Variants in GPC2 observed in about 807,000 individuals in gnomAD.
GPC2 encodes glypican 2.
GPC2 carries 42 observed loss-of-function variants against 57.3 expected under a neutral mutation model. That is an observed-to-expected ratio of 0.73 (90% confidence interval 0.57 to 0.95). The LOEUF is 0.95. GPC2 is among the 40% of genes least tolerant of loss of function. The pLI, the probability that GPC2 is intolerant of heterozygous loss-of-function variation, is 0.00. For synonymous variants in GPC2, 364 were observed against 343.4 expected, an observed-to-expected ratio of 1.06 and a Z score of -0.66; for missense variants, 745 against 793.6, an observed-to-expected ratio of 0.94 and a Z score of 0.74.
Position 100,170,102 on chromosome 7 carries a change from G to T in GPC2, c.*128C>A. 4.1e-6 allele frequency: 4 copies of T among 968,412 alleles called. No individual in the cohort carries two copies. The highest frequency in any genetic ancestry group is 2.4e-5 in the South Asian group (1 of 41,304). 60.0% of individuals were successfully genotyped at this position (968,412 alleles called of 1,614,324 possible). ...AAAATCTCCTGGATTTGGGGCCCCA[G>T]CCATTCACCTGCAAAGTCCCTTCTC... On this transcript the variant is annotated 3_prime_UTR_variant, in exon 10 of 10. Coordinates refer to ENST00000292377, the MANE Select transcript of GPC2 (RefSeq NM_152742.3).
chr7:100,172,687 A>G lies in GPC2; in HGVS notation c.893-470T>C, dbSNP rs530372606. Reference sequence around the variant, plus strand: ...TATATATATATGTGTGTGTGTGTGTATATATATATACGTGTATATATATGT... The same window carrying G: ...TATATATATATGTGTGTGTGTGTGTGTATATATATACGTGTATATATATGT... On this transcript the variant is annotated intron_variant, in intron 5 of 9. Transcript: ENST00000292377. Among the ~76,000 whole-genome samples, 105 of 146,398 alleles carry G rather than the reference A, an allele frequency of 7.2e-4. 1 individual carries two copies. Among genetic ancestry groups the G allele is most frequent in the South Asian group, 6.6e-3 (31 of 4,664 alleles).
chr7:100,171,223 G>C lies in GPC2; in HGVS notation c.1486+38C>G. The stretch of plus-strand genomic sequence containing the variant: ...AGGAGAGGGGAGAGGCTTCAGGGCA[G>C]TGGGCGGGGCTCAGGCTCAGGGATG... On this transcript the variant is annotated intron_variant, in intron 9 of 9. Coordinates refer to ENST00000292377, the MANE Select transcript of GPC2 (RefSeq NM_152742.3). This position sits in a 1 kb window ranked among gnomAD's most constrained non-coding sequence, Gnocchi z 4.8. 1 of 1,495,286 alleles carries C rather than the reference G, an allele frequency of 6.7e-7. No homozygotes were observed. Among genetic ancestry groups the C allele is most frequent in the Non-Finnish European group, 8.9e-7 (1 of 1,120,308 alleles). The allele number at this position is 1,495,286 out of a possible 1,614,324, so 92.6% of individuals were successfully genotyped here. A position where few individuals can be genotyped will look rare whatever the true frequency, so the allele number is the denominator to read the frequency against.
chr7:100,170,162 G>A lies in GPC2; in HGVS notation c.*68C>T, dbSNP rs1799151746. The A allele has an allele frequency of 2.1e-6, 3 of 1,458,398 alleles. No homozygotes were observed. The highest frequency in any genetic ancestry group is 2.8e-6 in the Non-Finnish European group (3 of 1,088,876). The allele number at this position is 1,458,398 out of a possible 1,614,324, so 90.3% of individuals were successfully genotyped here. A position where few individuals can be genotyped will look rare whatever the true frequency, so the allele number is the denominator to read the frequency against. ...TGCAGCCCCCTTCGACTCCTCCCCA[G>A]GCCCAGCTGAGGGGGGAGGAGGGGA... On this transcript the variant is annotated 3_prime_UTR_variant, in exon 10 of 10. Transcript: ENST00000292377.
At chr7:100,176,420 C>A in intron 1 of GPC2, 55 bp from the exon 2 acceptor site, 1 of 1,524,370 alleles carries the variant, frequency 6.6e-7, no homozygotes, top group Non-Finnish European at 9.0e-7. Flanking sequence ...AAATCCCTTC[C>A]ATTTCCCGCC....
At position 100,171,472 on chromosome 7, in the gene GPC2, C is replaced by CAA. The variant is rs1799175535; in HGVS notation, c.1311-37_1311-36insTT. On this transcript the variant is annotated intron_variant, in intron 8 of 9. Coordinates refer to ENST00000292377, the MANE Select transcript of GPC2 (RefSeq NM_152742.3). This position sits in a 1 kb window ranked among gnomAD's most constrained non-coding sequence, Gnocchi z 4.8. Reference sequence around the variant, plus strand: ...AGCAGCCCCGAAGCGCCAGCTAGCGCGCGCGGCCCCGCCCCTCCCGGCCGC... The same window carrying CAA: ...AGCAGCCCCGAAGCGCCAGCTAGCGCAAGCGCGGCCCCGCCCCTCCCGGCCGC... 7.4e-7 allele frequency: 1 copy of CAA among 1,352,278 alleles called. No homozygotes were observed. The highest frequency in any genetic ancestry group is 9.5e-7 in the Non-Finnish European group (1 of 1,057,616). The allele number at this position is 1,352,278 out of a possible 1,614,324, so 83.8% of individuals were successfully genotyped here.
chr7:100,175,742 C>T lies in GPC2; in HGVS notation c.478G>A (p.Asp160Asn). Residue 160 changes from aspartate to asparagine, a missense_variant, in exon 3 of 10, where the codon GAT becomes AAT. By Grantham distance (23) the Asp-to-Asn change is conservative. Transcript: ENST00000292377. The part of the protein sequence containing the change: ...DFYGESGEGL[D>N]DTLADFWAQL... ...GCCCAGAAATCCGCCAGGGTGTCATCCAACCCCTCACCAGATTCCCCATAG... is the reference window on the plus strand; with the variant it reads ...GCCCAGAAATCCGCCAGGGTGTCATTCAACCCCTCACCAGATTCCCCATAG... 1 of 1,614,136 alleles carries T rather than the reference C, an allele frequency of 6.2e-7. No individual in the cohort carries two copies. The highest frequency in any genetic ancestry group is 8.5e-7 in the Non-Finnish European group (1 of 1,180,024).
intron 2 of GPC2, 140 bp from the exon 3 acceptor site, chr7:100,176,034 G>T: frequency 2.9e-6 from 2 of 689,142 alleles, no homozygotes; most frequent in Non-Finnish European, 2.2e-6. Context: ...CAGAGATGGG[G>T]CAGACAGGGA....
Position 100,174,013 on chromosome 7 carries a change from G to A in GPC2, c.730-16C>T. On this transcript the variant is annotated splice_polypyrimidine_tract_variant and intron_variant, in intron 4 of 9. Transcript: ENST00000292377. ...ACACCGGCACCTGGGGGCAGAGAGT[G>A]GGGCTGTGTCCTCCACAAACGCTGT... 6.5e-7 allele frequency: 1 copy of A among 1,544,342 alleles called. No individual in the cohort carries two copies. Among genetic ancestry groups the A allele is most frequent in the East Asian group, 2.4e-5 (1 of 41,380 alleles).
chr7:100,176,450 T>C, intron 1 of GPC2, 85 bp from the exon 2 acceptor site: 1 of 1,277,858 alleles, frequency 7.8e-7, no homozygotes, highest in Non-Finnish European at 1.1e-6. Flanking sequence ...GGACTATGCC[T>C]TCTCTTCTAC....
rs1263516125 is a variant in GPC2, at chr7:100,176,347, C to G, written c.185G>C (p.Cys62Ser). ...GGAACAGCAGGTGTACTCCTGGGGA[C>G]AGACCCGGAGGTGCTCACCTGGACA... Reference protein sequence around the residue: ...ALISGEHLRVCPQEYTCCSSE... With the variant: ...ALISGEHLRVSPQEYTCCSSE... Residue 62 changes from cysteine to serine, a missense_variant, in exon 2 of 10, where the codon TGT (cysteine) becomes TCT (serine). Coordinates refer to ENST00000292377, the MANE Select transcript of GPC2 (RefSeq NM_152742.3). 1 of 1,613,868 alleles carries G rather than the reference C, an allele frequency of 6.2e-7. No individual in the cohort carries two copies. Among genetic ancestry groups the G allele is most frequent in the Admixed American group, 1.7e-5 (1 of 59,990 alleles).
Position 100,171,816 on chromosome 7 carries a change from C to A in GPC2, c.1133G>T (p.Arg378Leu). Residue 378 changes from arginine to leucine, a missense_variant, in exon 7 of 10, where the codon CGG becomes CTG. This residue lies in a region of GPC2 where 607 missense variants were observed against 603.9 expected (regional missense o/e 1.01). Coordinates refer to ENST00000292377, the MANE Select transcript of GPC2 (RefSeq NM_152742.3). The surrounding 1 kb of genome is among the most constrained non-coding windows in gnomAD (Gnocchi z 4.8). ...GTTGGTGCCTGCGGCCGTCGTGGGC[C>A]GCTCCTCCTCGGTCACCATCGACCA... ...RLWSMVTEEE[R>L]PTTAAGTNLH... is the part of the protein sequence containing the mutation. The A allele has an allele frequency of 6.3e-7, 1 of 1,575,496 alleles. No homozygotes were observed. Among genetic ancestry groups the A allele is most frequent in the South Asian group, 1.1e-5 (1 of 88,034 alleles).
intron 5 of GPC2, chr7:100,173,621 T>TTTCC: frequency 2.5e-6 from 1 of 394,986 alleles, no homozygotes; most frequent in Non-Finnish European, 4.5e-6. Flanking sequence ...TTTTTCTTTC[T>TTTCC]TTCCTTCCTT....
chr7:100,177,220 G>T lies in GPC2; in HGVS notation c.-21C>A, dbSNP rs1323534637. The T allele has an allele frequency of 1.2e-6, 2 of 1,602,094 alleles. No individual in the cohort carries two copies. The highest frequency in any genetic ancestry group is 2.3e-5 in the East Asian group (1 of 44,436). ...GACATAACTGCAGCCACCCCAGGAC[G>T]GCAAAGTGGGTCCTAAGGAGGAAAG... On this transcript the variant is annotated 5_prime_UTR_variant, in exon 1 of 10. Coordinates refer to ENST00000292377, the MANE Select transcript of GPC2 (RefSeq NM_152742.3).
chr7:100,174,103 G>A, intron 4 of GPC2, 106 bp from the exon 5 acceptor site: 1 of 1,095,936 alleles, frequency 9.1e-7, no homozygotes, highest in Non-Finnish European at 1.3e-6. Flanking sequence ...CCTACACCTA[G>A]GGTTGGTGAC....
intron 5 of GPC2, among the ~76,000 whole-genome samples, chr7:100,173,253 A>C (rs1204926119): frequency 6.6e-6 from 1 of 152,000 alleles, no homozygotes; most frequent in Non-Finnish European, 1.5e-5. Flanking sequence ...TACAAGCGTG[A>C]GCCACCGTGC....
Position 100,169,730 on chromosome 7 carries a change from T to C in GPC2, c.*500A>G, listed in dbSNP as rs1216623980. The stretch of plus-strand genomic sequence containing the variant: ...CCCCCCCACCTTGTTTTTTTTAAAA[T>C]TTGGTTTAAGAAATTGATACTGAAA... On this transcript the variant is annotated 3_prime_UTR_variant, in exon 10 of 10. Transcript: ENST00000292377. 2.0e-5 allele frequency: 3 copies of C among 152,498 alleles called. No individual in the cohort carries two copies. The highest frequency in any genetic ancestry group is 4.4e-5 in the Non-Finnish European group (3 of 68,084). 9.4% of individuals were successfully genotyped at this position (152,498 alleles called of 1,614,324 possible). A position where few individuals can be genotyped will look rare whatever the true frequency, so the allele number is the denominator to read the frequency against.
In GPC2 at chr7:100,173,991, C is replaced by A. The variant is rs200632076; in HGVS notation, c.736G>T (p.Val246Leu). ...AGAGCCTGGCTGCAGCCTTCAGACA[C>A]CGGCACCTGGGGGCAGAGAGTGGGG... is the stretch of plus-strand genomic sequence containing the variant. Reference protein sequence around the residue: ...NVVSEALKVPVSEGCSQALMR... With the variant: ...NVVSEALKVPLSEGCSQALMR... The change falls in exon 5 of 10, where the codon GTG becomes TTG. Residue 246 changes from valine to leucine, a missense_variant. By Grantham distance (32) the Val-to-Leu change is conservative. Around this residue, in one of 2 missense-constraint regions of GPC2, gnomAD observed 607 missense variants for 603.9 expected, o/e 1.01. Coordinates refer to ENST00000292377, the MANE Select transcript of GPC2 (RefSeq NM_152742.3). 17 of 1,572,890 alleles carry A rather than the reference C, an allele frequency of 1.1e-5. No homozygotes were observed. In the African/African-American group the frequency reaches 1.6e-4, roughly 15 times the overall value.
chr7:100,173,662 CTCTCTTTCTT>C (rs1799222407), intron 5 of GPC2, 163 bp downstream of exon 5: 1 of 440,488 alleles, frequency 2.3e-6, no homozygotes, highest in Non-Finnish European at 4.0e-6. Context: ...GTCTCTCTCT[CTCTCTTTCTT>C]TCTCTCTCTC....
intron 9 of GPC2, 120 bp from the exon 10 acceptor site, chr7:100,170,603 T>G: frequency 1.1e-6 from 1 of 942,996 alleles, no homozygotes; most frequent in Non-Finnish European, 1.5e-6. Context: ...CACAGGTGGA[T>G]GCCGGGTTGG....
Sources: gnomAD v4.1 joint callset for allele counts (sites outside exome capture counted in the v4.1 genomes callset) on GRCh38, gnomAD v4.1.1 for gene constraint, gnomAD v4.1.1 regional missense constraint, Gnocchi (gnomAD v3.1) non-coding constraint, MANE v1.5 for transcripts, NCBI Gene and HGNC (gene_info 2026-07-23, HGNC 2026-07-21) for gene names.